PRDM1: variants seen among roughly 807,000 people sequenced by gnomAD.
PRDM1 encodes the protein PR domain zinc finger protein 1.
Under a neutral mutation model 62.8 loss-of-function variants are expected in PRDM1, and 13 were observed. That is an observed-to-expected ratio of 0.21 (90% confidence interval 0.13 to 0.33). The LOEUF (loss-of-function observed/expected upper bound fraction) is 0.33, where lower values mean the gene tolerates loss of function less well. Among genes scored for constraint, PRDM1 ranks in the 10% least tolerant of loss-of-function variants. The probability of loss-of-function intolerance (pLI) is 1.00; values close to 1 mark genes in which losing one functional copy is unlikely to be tolerated. For missense variants in PRDM1, 895 were observed against 1,058.8 expected, an observed-to-expected ratio of 0.85 and a Z score of 2.15; for synonymous variants, 396 against 417.6, an observed-to-expected ratio of 0.95 and a Z score of 0.63.
intron 4 of PRDM1, among the ~76,000 whole-genome samples, chr6:106,104,162 CAG>C (rs773647073): frequency 6.6e-6 from 1 of 151,784 alleles, no homozygotes; most frequent in Non-Finnish European, 1.5e-5. Flanking sequence ...TAACCTATGA[CAG>C]GGTCCCCACC....
chr6:106,021,212 G>A (rs766189047), intron 1 of PRDM1, among the ~76,000 whole-genome samples: 1 of 152,126 alleles, frequency 6.6e-6, no homozygotes, highest in African/African-American at 2.4e-5. Context: ...CAGATTCTTC[G>A]GTTATGCTTT....
In PRDM1 at chr6:106,095,708, A is replaced by G. The variant is rs756324889; in HGVS notation, c.385A>G (p.Asn129Asp). 1 of 1,614,118 alleles carries G rather than the reference A, an allele frequency of 6.2e-7. No individual in the cohort carries two copies. Among genetic ancestry groups the G allele is most frequent in the East Asian group, 2.2e-5 (1 of 44,888 alleles). Residue 129 changes from asparagine (N) to aspartate (D), a missense_variant, in exon 3 of 7, where the codon AAC (asparagine) becomes GAC (aspartate). Physicochemically the swap from Asn to Asp is conservative, Grantham distance 23. Coordinates refer to ENST00000369096, the MANE Select transcript of PRDM1 (RefSeq NM_001198.4). ...CTACACCAATGACACAGTTCCTAAG[A>G]ACGCCAACAGGAAATATTTTTGGAG... ...EIYTNDTVPK[N>D]ANRKYFWRIY...
rs941512709 is a variant in PRDM1 at position 106,043,299 on chromosome 6, G to A, written c.-66-44902G>A. Among the ~76,000 whole-genome samples the A allele has an allele frequency of 3.9e-5, 6 of 152,232 alleles. No homozygotes were observed. The East Asian group carries it at 1.2e-3, about 29-fold the overall frequency. On this transcript the variant is annotated intron_variant, in intron 1 of 6. Coordinates refer to the PRDM1 transcript ENST00000652320. The stretch of plus-strand genomic sequence containing the variant: ...TTATTTTTACATTAACTTGTTTATT[G>A]TTGTTTTCTCTCGCTTAATTATAAG...
rs560732338 is a variant in PRDM1, at chr6:105,994,747, C to A, written c.-67+1108C>A. Among the ~76,000 whole-genome samples the A allele has an allele frequency of 6.6e-6, 1 of 152,172 alleles. No individual in the cohort carries two copies. Among genetic ancestry groups the A allele is most frequent in the Non-Finnish European group, 1.5e-5 (1 of 68,026 alleles). Reference sequence around the variant, plus strand: ...CTGCGGTCAAAGCATCAGTCCTGCCCGTAACTTCCTAACGACATCTTCTTG... The same window carrying A: ...CTGCGGTCAAAGCATCAGTCCTGCCAGTAACTTCCTAACGACATCTTCTTG... On this transcript the variant is annotated intron_variant, in intron 1 of 6. Transcript: ENST00000652320. The surrounding 1 kb of genome is among the most constrained non-coding windows in gnomAD (Gnocchi z 4.1).
intron 3 of PRDM1, among the ~76,000 whole-genome samples, chr6:106,096,918 A>G (rs1175246523): frequency 6.6e-6 from 1 of 152,230 alleles, no homozygotes; most frequent in East Asian, 1.9e-4. Flanking sequence ...AAACAGCTGC[A>G]TGATAACAAA....
intron 1 of PRDM1, among the ~76,000 whole-genome samples, chr6:106,048,719 G>A (rs1773120120): frequency 6.6e-6 from 1 of 152,146 alleles, no homozygotes; most frequent in Admixed American, 6.5e-5. Context: ...AGAAAGGTAG[G>A]GGAAGGCTTT....
intron 1 of PRDM1, among the ~76,000 whole-genome samples, chr6:106,042,455 A>C (rs1195674747): frequency 6.6e-6 from 1 of 151,178 alleles, no homozygotes; most frequent in Non-Finnish European, 1.5e-5. Flanking sequence ...TGAACCTGGG[A>C]GGTGGAGGTT....
chr6:105,993,099 C>G (rs145957134), upstream of PRDM1, among the ~76,000 whole-genome samples: 122 of 152,316 alleles, frequency 8.0e-4, 2 homozygotes, highest in African/African-American at 2.8e-3. Context: ...TCTCGCAAAA[C>G]TGGGCAGATA....
chr6:106,073,692 T>A (rs1300004731), intron 1 of PRDM1, among the ~76,000 whole-genome samples: 2 of 152,156 alleles, frequency 1.3e-5, no homozygotes, highest in Non-Finnish European at 2.9e-5. Context: ...AGAAGTATAT[T>A]TGTTGGAATC....
intron 1 of PRDM1, among the ~76,000 whole-genome samples, chr6:106,035,885 G>C (rs1358808439): frequency 6.6e-6 from 1 of 152,032 alleles, no homozygotes; most frequent in Non-Finnish European, 1.5e-5. Context: ...TACTGATGAA[G>C]TGAGACTTCT....
upstream of PRDM1, among the ~76,000 whole-genome samples, chr6:106,082,054 T>C (rs1236291302): frequency 1.3e-5 from 2 of 152,210 alleles, no homozygotes; most frequent in Non-Finnish European, 1.5e-5. Context: ...TGACCCACAG[T>C]CTTGCTCTCT....
At chr6:106,083,616 C>T (rs1009766527), upstream of PRDM1, among the ~76,000 whole-genome samples, 1 of 152,130 alleles carries the variant, frequency 6.6e-6, no homozygotes, top group Admixed American at 6.5e-5. Flanking sequence ...ATGCCATCCA[C>T]GGGAATAGAT....
At chr6:106,021,680 G>T (rs968152830) in intron 1 of PRDM1, among the ~76,000 whole-genome samples, 5 of 152,182 alleles carry the variant, frequency 3.3e-5, no homozygotes, top group Non-Finnish European at 5.9e-5. Context: ...GCATGCAATG[G>T]TGCAATCTTA....
chr6:106,035,085 C>G (rs1460099607), intron 1 of PRDM1, among the ~76,000 whole-genome samples: 4 of 152,164 alleles, frequency 2.6e-5, no homozygotes, highest in African/African-American at 9.7e-5. Context: ...TTCAGGTGCT[C>G]TATTTCCTTA....
intron 1 of PRDM1, among the ~76,000 whole-genome samples, chr6:106,018,398 A>C (rs1367585672): frequency 2.0e-5 from 3 of 152,232 alleles, no homozygotes; most frequent in African/African-American, 7.2e-5. Flanking sequence ...TACATTAGTC[A>C]ATTAATGAAC....
At position 106,015,975 on chromosome 6, in the gene PRDM1, TCAA is replaced by T. The variant is rs1381521418; in HGVS notation, c.-67+22340_-67+22342del. ...CATTCCAAATAAAAGCTCTACTGAT[TCAA>T]CAATAACTTTTCCCCTTCCTCAGCC... On this transcript the variant is annotated intron_variant, in intron 1 of 6. Transcript: ENST00000652320. Among the ~76,000 whole-genome samples the T allele has an allele frequency of 2.0e-5, 3 of 152,286 alleles. No individual in the cohort carries two copies. The East Asian group carries it at 5.8e-4, about 29-fold the overall frequency.
upstream of PRDM1, among the ~76,000 whole-genome samples, chr6:106,082,150 TC>T (rs1237878303): frequency 6.6e-6 from 1 of 152,234 alleles, no homozygotes; most frequent in Non-Finnish European, 1.5e-5. Context: ...TTGCTCTTTT[TC>T]TCCCTTGTTA....
chr6:106,073,928 A>G (rs1333946078), intron 1 of PRDM1, among the ~76,000 whole-genome samples: 3 of 152,206 alleles, frequency 2.0e-5, no homozygotes, highest in African/African-American at 7.2e-5. Flanking sequence ...AGTAGAAAAC[A>G]TGATCCACAT....
chr6:106,057,478 G>T (rs537141799), intron 1 of PRDM1, among the ~76,000 whole-genome samples: 238 of 152,234 alleles, frequency 1.6e-3, no homozygotes, highest in African/African-American at 5.7e-3. Flanking sequence ...TATAATTTTT[G>T]GTTTGGAATG....
Sources: allele counts gnomAD v4.1 joint callset (sites outside exome capture counted in the v4.1 genomes callset), GRCh38; gene constraint gnomAD v4.1.1; non-coding constraint Gnocchi (gnomAD v3.1); transcripts MANE v1.5; gene names NCBI Gene and HGNC (gene_info 2026-07-23, HGNC 2026-07-21).